Variants in SPATS2 observed in about 807,000 individuals in gnomAD.
SPATS2 encodes the protein spermatogenesis associated serine rich 2, also known as spermatogenesis-associated serine-rich protein 2.
SPATS2 carries 38 observed loss-of-function variants against 63.7 expected under a neutral mutation model. That is an observed-to-expected ratio of 0.60 (90% CI 0.46 to 0.78). SPATS2 has a LOEUF of 0.78. SPATS2 is among the 30% of genes least tolerant of loss of function. The pLI is 0.00. For missense variants in SPATS2, 588 were observed against 666.2 expected (o/e 0.88, Z 1.29); for synonymous variants, 207 against 232.9 (o/e 0.89, Z 1.01).
At chr12:49,428,229 T>G (rs1945116879) in intron 2 of SPATS2, among the ~76,000 whole-genome samples, 1 of 151,254 alleles carries the variant, frequency 6.6e-6, no homozygotes, top group Non-Finnish European at 1.5e-5. Flanking sequence ...CACTCCAGCC[T>G]GGGCTAAGGA....
chr12:49,376,845 A>C (rs571568254), intron 2 of SPATS2, among the ~76,000 whole-genome samples: 27 of 149,588 alleles, frequency 1.8e-4, no homozygotes, highest in Non-Finnish European at 3.8e-4. Context: ...CAGCCTCCTG[A>C]GTAGCTGGGA....
At chr12:49,406,242 A>G (rs1385005478) in intron 2 of SPATS2, among the ~76,000 whole-genome samples, 3 of 152,048 alleles carry the variant, frequency 2.0e-5, no homozygotes, top group African/African-American at 4.8e-5. Flanking sequence ...ATAGTAAATA[A>G]TAAATAATCT....
chr12:49,522,939 C>T, intron 12 of SPATS2, 86 bp downstream of exon 12: 6 of 1,095,080 alleles, frequency 5.5e-6, no homozygotes, highest in Non-Finnish European at 8.1e-6. Flanking sequence ...ACTGATTCCT[C>T]ATTAGTGCCT....
chr12:49,409,572 G>A (rs11838223), intron 2 of SPATS2, among the ~76,000 whole-genome samples: 12,782 of 145,586 alleles, frequency 0.088, 702 homozygotes, highest in African/African-American at 0.14. Flanking sequence ...AATTACAGGC[G>A]TGAGCCACTG....
chr12:49,379,874 T>C (rs1199717646), intron 2 of SPATS2, among the ~76,000 whole-genome samples: 1 of 151,950 alleles, frequency 6.6e-6, no homozygotes, highest in African/African-American at 2.4e-5. Flanking sequence ...CTGCCCGCCT[T>C]GGCCTCCCAA....
intron 2 of SPATS2, among the ~76,000 whole-genome samples, chr12:49,401,432 C>T (rs1455243965): frequency 6.6e-6 from 1 of 152,066 alleles, no homozygotes; most frequent in Admixed American, 6.6e-5. Flanking sequence ...TAAATAGAGC[C>T]CTCATGTACT....
upstream of SPATS2, chr12:49,366,899 G>A (rs965458323): frequency 6.6e-6 from 1 of 151,916 alleles, no homozygotes; most frequent in African/African-American, 2.4e-5. Context: ...CGCGCGCCGG[G>A]TCCCTAACCG....
At chr12:49,495,879 G>A (rs1273507380) in intron 7 of SPATS2, among the ~76,000 whole-genome samples, 2 of 152,080 alleles carry the variant, frequency 1.3e-5, no homozygotes, top group East Asian at 1.9e-4. Context: ...CTAGGCTGTT[G>A]GTTTTTATAG....
chr12:49,526,114 C>T lies in SPATS2; in HGVS notation c.1497C>T (p.Thr499=), dbSNP rs1315015336. The change falls in exon 14 of 14, where the codon ACC becomes ACT. Residue 499 remains threonine (T), a synonymous_variant. Coordinates refer to ENST00000552918, the MANE Select transcript of SPATS2 (RefSeq NM_023071.4). The stretch of plus-strand genomic sequence containing the variant: ...CTCCATCTCAGGCACCAGGAAACAC[C>T]ATTGAAAGAGGCCAGACTCACTCTG... The part of the protein sequence containing the change: ...QSAPSQAPGN[T]IERGQTHSAG... The T allele has an allele frequency of 1.2e-6, 2 of 1,614,188 alleles. No homozygotes were observed. Among genetic ancestry groups the T allele is most frequent in the Non-Finnish European group, 8.5e-7 (1 of 1,180,036 alleles).
chr12:49,366,862 A>G (rs1483943714), upstream of SPATS2: 3 of 151,128 alleles, frequency 2.0e-5, no homozygotes, highest in Non-Finnish European at 3.0e-5. Flanking sequence ...TCTTTCCGTC[A>G]GTTCAGCTCG....
chr12:49,466,497 C>CT (rs1172100864), intron 3 of SPATS2, among the ~76,000 whole-genome samples: 6 of 152,106 alleles, frequency 3.9e-5, no homozygotes, highest in Non-Finnish European at 8.8e-5. Context: ...GTATAAGAGT[C>CT]TAAGTTTACT....
At chr12:49,371,902 C>A (rs958045917) in intron 2 of SPATS2, among the ~76,000 whole-genome samples, 1 of 151,582 alleles carries the variant, frequency 6.6e-6, no homozygotes, top group Admixed American at 6.6e-5. Flanking sequence ...TACAATTTGA[C>A]AGGAGATTTG....
chr12:49,471,246 G>T (rs188010830), intron 3 of SPATS2, among the ~76,000 whole-genome samples: 29 of 152,254 alleles, frequency 1.9e-4, no homozygotes, highest in African/African-American at 6.7e-4. Flanking sequence ...CTGTTATGGT[G>T]GTCTGTTTAG....
chr12:49,397,790 A>G (rs1944536338), intron 2 of SPATS2, among the ~76,000 whole-genome samples: 1 of 143,464 alleles, frequency 7.0e-6, no homozygotes, highest in South Asian at 2.3e-4. Context: ...TGATGGTGTC[A>G]TTGCATTCCA....
At position 49,448,307 on chromosome 12, in the gene SPATS2, T is replaced by G. The variant is rs1592406518; in HGVS notation, c.-243-12463T>G. On this transcript the variant is annotated intron_variant, in intron 2 of 13. Coordinates refer to ENST00000552918, the MANE Select transcript of SPATS2 (RefSeq NM_023071.4). ...CACCCGCCACCATGCCCGGCTAATTTTTTTTGTATTTTTAGTAGAAACGGG... is the reference window on the plus strand; with the variant it reads ...CACCCGCCACCATGCCCGGCTAATTGTTTTTGTATTTTTAGTAGAAACGGG... Among the ~76,000 whole-genome samples, 5 of 151,610 alleles carry G rather than the reference T, an allele frequency of 3.3e-5. No homozygotes were observed. In the South Asian group the frequency reaches 1.0e-3, roughly 32 times the overall value.
intron 2 of SPATS2, among the ~76,000 whole-genome samples, chr12:49,409,608 T>C (rs1396842191): frequency 6.9e-6 from 1 of 144,040 alleles, no homozygotes; most frequent in Non-Finnish European, 1.5e-5. Flanking sequence ...TTTTTTTTTT[T>C]TTTTTTTTTT....
intron 2 of SPATS2, among the ~76,000 whole-genome samples, chr12:49,371,495 T>C (rs1943996629): frequency 6.6e-6 from 1 of 152,226 alleles, no homozygotes; most frequent in Non-Finnish European, 1.5e-5. Flanking sequence ...TTGGCTGTTG[T>C]GAATAATGGT....
At chr12:49,386,326 A>G (rs1031129232) in intron 2 of SPATS2, among the ~76,000 whole-genome samples, 1 of 145,318 alleles carries the variant, frequency 6.9e-6, no homozygotes, top group Admixed American at 6.9e-5. Flanking sequence ...ACCATGCCCA[A>G]CTAATTTTTG....
At chr12:49,509,769 A>T (rs530575542) in intron 9 of SPATS2, among the ~76,000 whole-genome samples, 1 of 150,854 alleles carries the variant, frequency 6.6e-6, no homozygotes, top group Non-Finnish European at 1.5e-5. Context: ...GTGAGCCAAG[A>T]TCACGTCACT....
Sources: allele counts gnomAD v4.1 joint callset (sites outside exome capture counted in the v4.1 genomes callset), GRCh38; gene constraint gnomAD v4.1.1; transcripts MANE v1.5; gene names NCBI Gene and HGNC (gene_info 2026-07-23, HGNC 2026-07-21).